FRMD3: variants seen among roughly 807,000 people sequenced by gnomAD.
FRMD3 encodes the protein FERM domain containing 3.
In FRMD3, 33 loss-of-function variants were observed where a neutral mutation model predicts 70.2. The observed-to-expected ratio is 0.47, with a 90% confidence interval of 0.36 to 0.63. The LOEUF (loss-of-function observed/expected upper bound fraction) is 0.63, where lower values mean the gene tolerates loss of function less well. Among genes scored for constraint, FRMD3 ranks in the 20% least tolerant of loss-of-function variants. The pLI, the probability that FRMD3 is intolerant of heterozygous loss-of-function variation, is 0.00. For synonymous variants in FRMD3, 279 were observed against 255.9 expected (o/e 1.09, Z -0.86); for missense variants, 632 against 711.4 (o/e 0.89, Z 1.27).
At chr9:83,479,755 GAAGA>G (rs1828515745) in intron 1 of FRMD3, among the ~76,000 whole-genome samples, 5 of 61,436 alleles carry the variant, frequency 8.1e-5, no homozygotes, top group Non-Finnish European at 2.8e-5. Flanking sequence ...GAAAAGAGAA[GAAGA>G]AGGGAGGGAG....
chr9:83,277,626 G>C (rs758123705), intron 13 of FRMD3, among the ~76,000 whole-genome samples: 1 of 152,198 alleles, frequency 6.6e-6, no homozygotes, highest in Non-Finnish European at 1.5e-5. Flanking sequence ...CTCCCAAAGT[G>C]CTAGGAGTAT....
At chr9:83,558,253 C>T in the FRMD3 span, among the ~76,000 whole-genome samples, 2 of 131,926 alleles carry the variant, frequency 1.5e-5, no homozygotes, top group South Asian at 5.6e-4. Context: ...ATGTGTAAAA[C>T]GCATGCACGT....
At chr9:83,447,119 G>A (rs560433842) in intron 1 of FRMD3, among the ~76,000 whole-genome samples, 2 of 152,276 alleles carry the variant, frequency 1.3e-5, no homozygotes, top group Admixed American at 6.5e-5. Context: ...TGCCTCCCTG[G>A]TTCAAGCGAT....
chr9:83,463,470 T>A (rs1348418360), intron 1 of FRMD3, among the ~76,000 whole-genome samples: 1 of 151,940 alleles, frequency 6.6e-6, no homozygotes, highest in South Asian at 2.1e-4. Flanking sequence ...AGTAAAAGGG[T>A]GGAAAGCCCC....
At chr9:83,272,141 C>T (rs892042675) in intron 13 of FRMD3, among the ~76,000 whole-genome samples, 7 of 152,052 alleles carry the variant, frequency 4.6e-5, no homozygotes, top group Admixed American at 3.9e-4. Flanking sequence ...CCACGGTCTC[C>T]CTCTGATGCC....
intron 1 of FRMD3, among the ~76,000 whole-genome samples, chr9:83,508,027 G>A (rs1398551569): frequency 6.6e-6 from 1 of 152,026 alleles, no homozygotes; most frequent in African/African-American, 2.4e-5. Context: ...CCTATATGCA[G>A]TCTGGTGCCT....
At chr9:83,346,401 G>A (rs1175119820) in intron 4 of FRMD3, among the ~76,000 whole-genome samples, 1 of 152,066 alleles carries the variant, frequency 6.6e-6, no homozygotes, top group African/African-American at 2.4e-5. Context: ...CAACAGGGAT[G>A]AACTTTGAAA....
At chr9:83,451,914 C>T (rs907520774) in intron 1 of FRMD3, among the ~76,000 whole-genome samples, 2 of 152,096 alleles carry the variant, frequency 1.3e-5, no homozygotes, top group African/African-American at 4.8e-5. Flanking sequence ...GTAAATTATT[C>T]ATAACTGTCA....
At position 83,404,068 on chromosome 9, in the gene FRMD3, GCACACA is replaced by G. The variant is rs10552914; in HGVS notation, c.148-14366_148-14361del. ...GCAGTGGGAATTCCTGCATACACAC[GCACACA>G]CACACACACACACACACAAGCAGGC... On this transcript the variant is annotated intron_variant, in intron 1 of 13. Transcript: ENST00000304195. Among the ~76,000 whole-genome samples, 33 of 148,924 alleles carry G rather than the reference GCACACA, an allele frequency of 2.2e-4. No individual in the cohort carries two copies. In the South Asian group the frequency reaches 2.8e-3, roughly 13 times the overall value.
At chr9:83,532,632 C>CA (rs1491573125) in intron 1 of FRMD3, among the ~76,000 whole-genome samples, 2 of 144,346 alleles carry the variant, frequency 1.4e-5, no homozygotes, top group Non-Finnish European at 3.0e-5. Context: ...CATGTGCATG[C>CA]ACACACACAC....
intron 3 of FRMD3, among the ~76,000 whole-genome samples, chr9:83,359,075 TC>T (rs760650754): frequency 3.9e-5 from 6 of 152,128 alleles, no homozygotes; most frequent in Non-Finnish European, 8.8e-5. Flanking sequence ...TGATGATCCT[TC>T]CCCCACTCTT....
chr9:83,362,763 C>A (rs536219210), intron 3 of FRMD3, among the ~76,000 whole-genome samples: 7 of 149,828 alleles, frequency 4.7e-5, no homozygotes, highest in African/African-American at 1.7e-4. Context: ...TTCCTTCCTT[C>A]TCTCCTTCCT....
chr9:83,433,106 A>C (rs532478615), intron 1 of FRMD3, among the ~76,000 whole-genome samples: 1 of 152,338 alleles, frequency 6.6e-6, no homozygotes, highest in East Asian at 1.9e-4. Context: ...CTTGGTGTAT[A>C]TATACCACAT....
In FRMD3 at chr9:83,372,849, TC is replaced by T. The variant is rs1463421864; in HGVS notation, c.295+63del. 5 of 1,425,970 alleles carry T rather than the reference TC, an allele frequency of 3.5e-6. No individual in the cohort carries two copies. In the East Asian group the frequency reaches 9.1e-5, roughly 26 times the overall value. 88.3% of individuals were successfully genotyped at this position (1,425,970 alleles called of 1,614,324 possible). A position where few individuals can be genotyped will look rare whatever the true frequency, so the allele number is the denominator to read the frequency against. On this transcript the variant is annotated intron_variant, in intron 3 of 13. Coordinates refer to ENST00000304195, the MANE Select transcript of FRMD3 (RefSeq NM_174938.6). The stretch of plus-strand genomic sequence containing the variant: ...TATTCCCCTGGCAGGAGAAAGTTTG[TC>T]AGGGAACAGTATCTATCTTTGGACA...
chr9:83,448,285 C>T (rs559625337), intron 1 of FRMD3, among the ~76,000 whole-genome samples: 1 of 152,322 alleles, frequency 6.6e-6, no homozygotes, highest in East Asian at 1.9e-4. Flanking sequence ...GTCCCCACCG[C>T]TCCCTATTGT....
At chr9:83,364,834 G>T (rs769932409) in intron 3 of FRMD3, among the ~76,000 whole-genome samples, 1 of 152,152 alleles carries the variant, frequency 6.6e-6, no homozygotes, top group Non-Finnish European at 1.5e-5. Context: ...CAAGTGGAAA[G>T]AAAACAATCC....
chr9:83,583,372 C>G, the FRMD3 span, among the ~76,000 whole-genome samples: 1 of 152,112 alleles, frequency 6.6e-6, no homozygotes, highest in Admixed American at 6.5e-5. Flanking sequence ...CCCTTTCTAG[C>G]AATACCATCA....
chr9:83,446,815 TG>T (rs1477006473), intron 1 of FRMD3, among the ~76,000 whole-genome samples: 1 of 152,192 alleles, frequency 6.6e-6, no homozygotes, highest in Non-Finnish European at 1.5e-5. Flanking sequence ...AAAGTGTTTC[TG>T]GGGCACTTGA....
intron 5 of FRMD3, 43 bp downstream of exon 5, chr9:83,343,147 C>T (rs1823830975): frequency 7.3e-7 from 1 of 1,366,890 alleles, no homozygotes; most frequent in African/African-American, 1.4e-5. Flanking sequence ...AGCCAGAGCT[C>T]CACAGTGCAA....
Sources: gnomAD v4.1 joint callset for allele counts (sites outside exome capture counted in the v4.1 genomes callset) on GRCh38, gnomAD v4.1.1 for gene constraint, MANE v1.5 for transcripts, NCBI Gene and HGNC (gene_info 2026-07-23, HGNC 2026-07-21) for gene names.